Variants in SH3D19 observed in about 807,000 individuals in gnomAD.
SH3D19 encodes the protein SH3 domain-containing protein 19.
Under a neutral mutation model 112.1 loss-of-function variants are expected in SH3D19, and 58 were observed. The ratio of observed to expected loss-of-function variants is 0.52; its 90% CI spans 0.42 to 0.64. The LOEUF (loss-of-function observed/expected upper bound fraction) is 0.64. Ranked by LOEUF, SH3D19 falls within the 30% of genes least tolerant of loss-of-function variation. SH3D19 has a pLI of 0.00. For synonymous variants in SH3D19, 391 were observed against 448.5 expected (o/e 0.87, Z 1.62); for missense variants, 1,090 against 1,263.4 (o/e 0.86, Z 2.08).
intron 1 of SH3D19, among the ~76,000 whole-genome samples, chr4:151,274,823 A>C (rs573324916): frequency 6.6e-6 from 1 of 152,328 alleles, no homozygotes; most frequent in African/African-American, 2.4e-5. Context: ...TGGAGGCTGG[A>C]AGTCCAAGAT....
intron 9 of SH3D19, among the ~76,000 whole-genome samples, chr4:151,156,894 A>G (rs1250818249): frequency 6.6e-6 from 1 of 152,250 alleles, no homozygotes; most frequent in Non-Finnish European, 1.5e-5. Flanking sequence ...ATGGCAGGAA[A>G]TATTTGCAAA....
chr4:151,275,924 C>T (rs1773580175), intron 1 of SH3D19, among the ~76,000 whole-genome samples: 1 of 149,776 alleles, frequency 6.7e-6, no homozygotes, highest in South Asian at 2.1e-4. Context: ...CTCACTGCAA[C>T]CTCCGCCTCC....
intron 1 of SH3D19, among the ~76,000 whole-genome samples, chr4:151,289,235 A>G (rs1444847343): frequency 6.6e-6 from 1 of 152,218 alleles, no homozygotes; most frequent in Non-Finnish European, 1.5e-5. Flanking sequence ...AATTAACTCA[A>G]AATGGATCTA....
chr4:151,198,076 C>T (rs1008728697), intron 2 of SH3D19, among the ~76,000 whole-genome samples: 1 of 151,600 alleles, frequency 6.6e-6, no homozygotes, highest in East Asian at 1.9e-4. Context: ...GAGGCTGAGG[C>T]GGGCGAATAA....
At chr4:151,191,707 G>A (rs1036025080) in intron 2 of SH3D19, among the ~76,000 whole-genome samples, 6 of 149,038 alleles carry the variant, frequency 4.0e-5, no homozygotes, top group South Asian at 2.2e-4. Flanking sequence ...GTGCAGTGGC[G>A]CAATCTCGGC....
intron 1 of SH3D19, among the ~76,000 whole-genome samples, chr4:151,274,618 A>G (rs986698274): frequency 2.0e-5 from 3 of 152,220 alleles, no homozygotes; most frequent in Non-Finnish European, 4.4e-5. Context: ...TCCTGCTATG[A>G]GCTCTTAAGC....
At chr4:151,192,059 T>C (rs1409169416) in intron 2 of SH3D19, among the ~76,000 whole-genome samples, 2 of 151,356 alleles carry the variant, frequency 1.3e-5, no homozygotes, top group Non-Finnish European at 2.9e-5. Flanking sequence ...ATTCTCCTGC[T>C]TCAGCCTCCC....
Position 151,120,283 on chromosome 4 carries a change from C to T in SH3D19, c.*1808G>A, listed in dbSNP as rs938088377. The T allele has an allele frequency of 3.5e-4, 53 of 151,378 alleles. No individual in the cohort carries two copies. The highest frequency in any genetic ancestry group is 3.3e-3 in the Admixed American group (50 of 15,180). 9.4% of individuals were successfully genotyped at this position (151,378 alleles called of 1,614,324 possible). ...AACTCAGTCTAGTATGAGAAAGGGA[C>T]TTTGAAAGTTCAGTTCAGTTTATTA... is the stretch of plus-strand genomic sequence containing the variant. On this transcript the variant is annotated 3_prime_UTR_variant, in exon 20 of 20. Coordinates refer to ENST00000604030, the MANE Select transcript of SH3D19 (RefSeq NM_001378122.1).
intron 1 of SH3D19, among the ~76,000 whole-genome samples, chr4:151,321,492 G>T (rs919441977): frequency 2.0e-5 from 3 of 151,998 alleles, no homozygotes; most frequent in African/African-American, 4.8e-5. Context: ...TAAATGCCAG[G>T]CTGTATAAAT....
At chr4:151,182,939 T>A (rs1761172492) in intron 3 of SH3D19, among the ~76,000 whole-genome samples, 1 of 152,172 alleles carries the variant, frequency 6.6e-6, no homozygotes, top group African/African-American at 2.4e-5. Context: ...ATAAAGGCAG[T>A]ATTTTCAGTT....
chr4:151,289,452 G>T (rs530635590), intron 1 of SH3D19, among the ~76,000 whole-genome samples: 2 of 152,202 alleles, frequency 1.3e-5, no homozygotes, highest in South Asian at 4.2e-4. Context: ...CCTATGAAAC[G>T]GAAGAAAATA....
Position 151,186,002 on chromosome 4 carries a change from T to C in SH3D19, c.193+1421A>G, listed in dbSNP as rs184945768. 8.5e-5 allele frequency among the ~76,000 whole-genome samples: 13 copies of C among 152,164 alleles called. No individual in the cohort carries two copies. In the East Asian group the frequency reaches 1.7e-3, roughly 20 times the overall value. ...TAGCAACGAGACAAGATCGCGCCAC[T>C]GCAGTCCAGCCTGGGCGACAGTGAG... On this transcript the variant is annotated intron_variant, in intron 3 of 19. Transcript: ENST00000604030.
intron 13 of SH3D19, among the ~76,000 whole-genome samples, chr4:151,138,746 T>C (rs1752402047): frequency 1.3e-5 from 2 of 151,112 alleles, no homozygotes; most frequent in Non-Finnish European, 2.9e-5. Flanking sequence ...ATTACTTTGA[T>C]CTCATAGGTA....
chr4:151,150,274 TACACAC>T (rs1161667547), intron 9 of SH3D19, among the ~76,000 whole-genome samples: 1 of 133,474 alleles, frequency 7.5e-6, no homozygotes, highest in African/African-American at 2.8e-5. Context: ...TACATATATA[TACACAC>T]ACATATATAT....
rs542332449 is a variant in SH3D19, at chr4:151,189,717, G to A, written c.153-2254C>T. ...CCTCTCCAGCCATGTGGAACTGTGA[G>A]TCCAAAAAGAAAGTTTACAAAACTT... is the stretch of plus-strand genomic sequence containing the variant. On this transcript the variant is annotated intron_variant, in intron 2 of 19. Transcript: ENST00000604030. Among the ~76,000 whole-genome samples the A allele has an allele frequency of 9.2e-5, 14 of 152,260 alleles. No homozygotes were observed. The South Asian group carries it at 2.9e-3, about 32-fold the overall frequency.
rs140703699 is a variant in SH3D19 at position 151,279,094 on chromosome 4, A to C, written c.112+46147T>G. 4.8e-4 allele frequency: 204 copies of C among 423,284 alleles called. 3 individuals are homozygous for C. In the East Asian group the frequency reaches 0.013, roughly 27 times the overall value. 26.2% of individuals were successfully genotyped at this position (423,284 alleles called of 1,614,324 possible). On this transcript the variant is annotated intron_variant, in intron 1 of 19. Transcript: ENST00000604030. ...CTGACCAGGGAACATCCACAGATAA[A>C]GCTGTGGCCCAAGTATAGGCTGACC...
rs1247705163 is a variant in SH3D19 at position 151,163,300 on chromosome 4, CTCCTAGTGAATCA to C, written c.1642+2276_1642+2288del. Among the ~76,000 whole-genome samples, 3 of 152,226 alleles carry C rather than the reference CTCCTAGTGAATCA, an allele frequency of 2.0e-5. No homozygotes were observed. The East Asian group carries it at 5.8e-4, about 29-fold the overall frequency. Reference sequence around the variant, plus strand: ...AACTATCTGTTGAGTCCTGTGAGTCCTCCTAGTGAATCATCAAACCTGGGGGTGGTCTTGGGGA... The same window carrying C: ...AACTATCTGTTGAGTCCTGTGAGTCCTCAAACCTGGGGGTGGTCTTGGGGA... On this transcript the variant is annotated intron_variant, in intron 8 of 19. Transcript: ENST00000604030.
At chr4:151,182,350 C>T (rs1761094972) in intron 3 of SH3D19, among the ~76,000 whole-genome samples, 1 of 152,174 alleles carries the variant, frequency 6.6e-6, no homozygotes, top group South Asian at 2.1e-4. Context: ...AATCAATTTG[C>T]TACTTCAATA....
intron 1 of SH3D19, among the ~76,000 whole-genome samples, chr4:151,315,890 A>G (rs1419989009): frequency 1.3e-5 from 2 of 152,222 alleles, no homozygotes; most frequent in Non-Finnish European, 2.9e-5. Flanking sequence ...TAAGTGTAGC[A>G]TAACTCTTAC....
Sources: gnomAD v4.1 joint callset for allele counts (sites outside exome capture counted in the v4.1 genomes callset) on GRCh38, gnomAD v4.1.1 for gene constraint, MANE v1.5 for transcripts, NCBI Gene and HGNC (gene_info 2026-07-23, HGNC 2026-07-21) for gene names.